ADARB1: variants seen among roughly 807,000 people sequenced by gnomAD.
ADARB1 encodes adenosine deaminase RNA specific B1.
In ADARB1, 10 loss-of-function variants were observed where a neutral mutation model predicts 52.4. That is an observed-to-expected ratio of 0.19 (90% confidence interval 0.12 to 0.32). ADARB1 has a LOEUF of 0.32. ADARB1 is among the 10% of genes least tolerant of loss of function. The pLI, the probability that ADARB1 is intolerant of heterozygous loss-of-function variation, is 1.00. For missense variants in ADARB1, 643 were observed against 922.3 expected, an observed-to-expected ratio of 0.70 and a Z score of 3.92; for synonymous variants, 349 against 371.1, an observed-to-expected ratio of 0.94 and a Z score of 0.68.
chr21:45,103,142 G>A (rs139190778), intron 1 of ADARB1, among the ~76,000 whole-genome samples: 135 of 152,292 alleles, frequency 8.9e-4, no homozygotes, highest in Middle Eastern at 3.4e-3. Flanking sequence ...GAGGGGCCTA[G>A]GGAGCCATGA....
chr21:45,212,098 T>C (rs181939242), intron 9 of ADARB1, among the ~76,000 whole-genome samples: 5 of 152,380 alleles, frequency 3.3e-5, no homozygotes, highest in Admixed American at 2.0e-4. Context: ...AATATTGTAA[T>C]TCTAAGGTTT....
At chr21:45,171,573 T>G (rs781011487) in intron 2 of ADARB1, 37 bp from the exon 3 acceptor site, 20 of 1,308,050 alleles carry the variant, frequency 1.5e-5, no homozygotes, top group Non-Finnish European at 2.2e-5. Context: ...ACTCCTGTCA[T>G]AGGCACACTA....
chr21:45,222,895 G>C lies in ADARB1; in HGVS notation c.*698G>C. 1 of 985,532 alleles carries C rather than the reference G, an allele frequency of 1.0e-6. No homozygotes were observed. The highest frequency in any genetic ancestry group is 1.2e-6 in the Non-Finnish European group (1 of 829,980). 61.0% of individuals were successfully genotyped at this position (985,532 alleles called of 1,614,324 possible). A position where few individuals can be genotyped will look rare whatever the true frequency, so the allele number is the denominator to read the frequency against. ...GTGACTGTGTGTCCTGCAGAGGCGT[G>C]ACCCAGGCCCCTGTAGCCCTCAGCC... On this transcript the variant is annotated 3_prime_UTR_variant, in exon 11 of 11. Coordinates refer to ENST00000348831, the MANE Select transcript of ADARB1 (RefSeq NM_001112.4).
intron 2 of ADARB1, among the ~76,000 whole-genome samples, chr21:45,139,607 A>G (rs887734215): frequency 2.0e-5 from 3 of 152,176 alleles, no homozygotes; most frequent in Non-Finnish European, 2.9e-5. Context: ...CACGTGGGGC[A>G]GGGAAGGTGC....
Position 45,176,364 on chromosome 21 carries a change from T to C in ADARB1, c.663T>C (p.Pro221=). The C allele has an allele frequency of 6.2e-7, 1 of 1,614,136 alleles. No homozygotes were observed. The change falls in exon 4 of 11, where the codon CCT becomes CCC. Residue 221 remains proline, a synonymous_variant. Coordinates refer to ENST00000348831, the MANE Select transcript of ADARB1 (RefSeq NM_001112.4). This position sits in a 1 kb window ranked among gnomAD's most constrained non-coding sequence, Gnocchi z 5.8. ...SPVPASLAQP[P]LPVLPPFPPP... is the part of the protein sequence containing the mutation. ...TGCCTGCCAGCCTAGCCCAGCCTCCTCTCCCTGTCTTACCACCATTCCCAC... is the reference window on the plus strand; with the variant it reads ...TGCCTGCCAGCCTAGCCCAGCCTCCCCTCCCTGTCTTACCACCATTCCCAC...
chr21:45,224,399 A>C lies in ADARB1; in HGVS notation c.*2202A>C. 1 of 979,166 alleles carries C rather than the reference A, an allele frequency of 1.0e-6. No individual in the cohort carries two copies. The highest frequency in any genetic ancestry group is 1.2e-6 in the Non-Finnish European group (1 of 828,514). The allele number at this position is 979,166 out of a possible 1,614,324, so 60.7% of individuals were successfully genotyped here. A position where few individuals can be genotyped will look rare whatever the true frequency, so the allele number is the denominator to read the frequency against. The stretch of plus-strand genomic sequence containing the variant: ...GTGAGGTGGCACCTTTCCGGGGTGG[A>C]CTCGTGCGGCCTTGAGGACAGGCAC... On this transcript the variant is annotated 3_prime_UTR_variant, in exon 11 of 11. Coordinates refer to ENST00000348831, the MANE Select transcript of ADARB1 (RefSeq NM_001112.4).
chr21:45,147,975 AGTGAT>A (rs2090090506), intron 2 of ADARB1, among the ~76,000 whole-genome samples: 1 of 151,702 alleles, frequency 6.6e-6, no homozygotes, highest in African/African-American at 2.4e-5. Flanking sequence ...GGCTCCGTCG[AGTGAT>A]GTGCAGGGCC....
intron 1 of ADARB1, chr21:45,101,124 G>A (rs1601339579): frequency 6.6e-6 from 1 of 152,418 alleles, no homozygotes; most frequent in African/African-American, 2.4e-5. Context: ...GCGGTTACGC[G>A]GGGTCCTCTC....
Position 45,155,868 on chromosome 21 carries a change from A to G in ADARB1, c.-47-15742A>G, listed in dbSNP as rs1187287271. On this transcript the variant is annotated intron_variant, in intron 2 of 10. Transcript: ENST00000348831. ...CACCCACCCATCATCCATTCATCCA[A>G]CCATTCATCCACCCACCCACCCTCA... is the stretch of plus-strand genomic sequence containing the variant. 2.5e-4 allele frequency among the ~76,000 whole-genome samples: 20 copies of G among 79,282 alleles called. No homozygotes were observed. The South Asian group carries it at 8.8e-3, about 35-fold the overall frequency. 52.0% of individuals were successfully genotyped at this position (79,282 alleles called of 152,430 possible).
chr21:45,086,650 A>G (rs2086357216), intron 1 of ADARB1, among the ~76,000 whole-genome samples: 1 of 152,210 alleles, frequency 6.6e-6, no homozygotes, highest in Admixed American at 6.5e-5. Flanking sequence ...TGTGTTGTAG[A>G]ACATATCAGT....
intron 1 of ADARB1, among the ~76,000 whole-genome samples, chr21:45,078,173 G>A (rs2086019474): frequency 3.3e-5 from 5 of 152,086 alleles, no homozygotes; most frequent in Admixed American, 6.5e-5. Flanking sequence ...TAACGTCTTT[G>A]TGATGGAACA....
intron 1 of ADARB1, among the ~76,000 whole-genome samples, chr21:45,108,958 C>T (rs991111279): frequency 6.6e-6 from 1 of 152,230 alleles, no homozygotes; most frequent in Non-Finnish European, 1.5e-5. Flanking sequence ...CCTGCAAACA[C>T]ACCTGAAGGA....
chr21:45,173,254 T>G (rs2091561345), intron 3 of ADARB1, among the ~76,000 whole-genome samples: 1 of 152,226 alleles, frequency 6.6e-6, no homozygotes, highest in Non-Finnish European at 1.5e-5. Flanking sequence ...TTGTATCATT[T>G]TGAAAGCAAT....
intron 1 of ADARB1, among the ~76,000 whole-genome samples, chr21:45,125,816 T>C (rs138790391): frequency 3.3e-4 from 50 of 152,378 alleles, no homozygotes; most frequent in Non-Finnish European, 4.3e-4. Flanking sequence ...CCTGCCGTTA[T>C]ATGTAATTAA....
At chr21:45,196,874 A>G (rs996861072) in intron 8 of ADARB1, among the ~76,000 whole-genome samples, 2 of 152,230 alleles carry the variant, frequency 1.3e-5, no homozygotes, top group Non-Finnish European at 2.9e-5. Flanking sequence ...GTGGCTAGGT[A>G]TGTAAATAGA....
intron 4 of ADARB1, among the ~76,000 whole-genome samples, chr21:45,178,228 G>T (rs1227346411): frequency 6.6e-6 from 1 of 152,240 alleles, no homozygotes; most frequent in Non-Finnish European, 1.5e-5. Flanking sequence ...CCCTGGCTTG[G>T]CTGTGCGCCT....
intron 2 of ADARB1, among the ~76,000 whole-genome samples, chr21:45,163,658 G>T (rs1485767811): frequency 1.3e-5 from 2 of 152,256 alleles, no homozygotes; most frequent in Non-Finnish European, 2.9e-5. Flanking sequence ...CGAGCCTTGT[G>T]CAGTTTCACC....
rs1008913970 is a variant in ADARB1, at chr21:45,223,771, C to T, written c.*1574C>T. The stretch of plus-strand genomic sequence containing the variant: ...CCCCAAAACTGAAACACCGTGGCTT[C>T]GGCGGGGGGTGTGCCTCCTGATGTC... On this transcript the variant is annotated 3_prime_UTR_variant, in exon 11 of 11. Coordinates refer to ENST00000348831, the MANE Select transcript of ADARB1 (RefSeq NM_001112.4). 1.1e-5 allele frequency: 11 copies of T among 985,350 alleles called. No individual in the cohort carries two copies. In the South Asian group the frequency reaches 1.4e-4, roughly 13 times the overall value. 61.0% of individuals were successfully genotyped at this position (985,350 alleles called of 1,614,324 possible).
chr21:45,109,297 TGTGTGTGCAC>T (rs1180327573), intron 1 of ADARB1, among the ~76,000 whole-genome samples: 38 of 152,204 alleles, frequency 2.5e-4, no homozygotes, highest in Middle Eastern at 3.4e-3. Flanking sequence ...TGTGCATATA[TGTGTGTGCAC>T]GTGTGTGCGC....
Sources: gnomAD v4.1 joint callset for allele counts (sites outside exome capture counted in the v4.1 genomes callset) on GRCh38, gnomAD v4.1.1 for gene constraint, Gnocchi (gnomAD v3.1) non-coding constraint, MANE v1.5 for transcripts, NCBI Gene and HGNC (gene_info 2026-07-23, HGNC 2026-07-21) for gene names.